LRP1B: variants seen among roughly 807,000 people sequenced by gnomAD.
LRP1B encodes LDL receptor related protein 1B, also known as low-density lipoprotein receptor-related protein 1B.
LRP1B carries 217 observed loss-of-function variants against 556.6 expected under a neutral mutation model. That is an observed-to-expected ratio of 0.39 (90% CI 0.35 to 0.44). The LOEUF is 0.44. Ranked by LOEUF, LRP1B falls within the 20% of genes least tolerant of loss-of-function variation. The pLI is 1.00. For missense variants in LRP1B, 5,053 were observed against 5,620.8 expected, an observed-to-expected ratio of 0.90 and a Z score of 3.23; for synonymous variants, 2,047 against 1,865.8, an observed-to-expected ratio of 1.10 and a Z score of -2.50.
chr2:142,128,414 T>G (rs1419955418), intron 1 of LRP1B, among the ~76,000 whole-genome samples: 2 of 152,248 alleles, frequency 1.3e-5, no homozygotes, highest in Admixed American at 1.3e-4. Context: ...CATAAGCCTG[T>G]GCAGAAAGTT....
At chr2:140,825,050 C>A (rs1451886849) in intron 31 of LRP1B, among the ~76,000 whole-genome samples, 2 of 151,942 alleles carry the variant, frequency 1.3e-5, no homozygotes, top group African/African-American at 2.4e-5. Flanking sequence ...ATTCAACAAA[C>A]AAATTAAAAA....
intron 1 of LRP1B, among the ~76,000 whole-genome samples, chr2:141,837,507 G>T (rs1018160625): frequency 2.0e-5 from 3 of 151,944 alleles, no homozygotes; most frequent in African/African-American, 2.4e-5. Context: ...AATCTTAAGG[G>T]TATCCTTGAC....
intron 62 of LRP1B, among the ~76,000 whole-genome samples, chr2:140,453,729 A>T (rs568746474): frequency 8.3e-4 from 126 of 152,218 alleles, no homozygotes; most frequent in African/African-American, 2.9e-3. Context: ...CTTAATCTTA[A>T]TTTTTACTAG....
At chr2:142,023,279 C>T (rs184200989) in intron 1 of LRP1B, among the ~76,000 whole-genome samples, 3 of 152,264 alleles carry the variant, frequency 2.0e-5, no homozygotes, top group South Asian at 2.1e-4. Context: ...ATTTTCAATG[C>T]CCCACCTTGG....
At chr2:141,812,809 C>T (rs1696401865) in intron 1 of LRP1B, among the ~76,000 whole-genome samples, 1 of 152,044 alleles carries the variant, frequency 6.6e-6, no homozygotes, top group South Asian at 2.1e-4. Context: ...TAGATGAAGA[C>T]TCTGATCCAA....
Position 141,011,204 on chromosome 2 carries a change from G to GA in LRP1B, c.2380+2351dup, listed in dbSNP as rs10708669. On this transcript the variant is annotated intron_variant, in intron 14 of 90. Coordinates refer to ENST00000389484, the MANE Select transcript of LRP1B (RefSeq NM_018557.3). Reference sequence around the variant, plus strand: ...TCAATTGCTATATTTTATCCATAGGGAAAAAAAAAAACAGTCTAACAGGAC... The same window carrying GA: ...TCAATTGCTATATTTTATCCATAGGGAAAAAAAAAAAACAGTCTAACAGGAC... Among the ~76,000 whole-genome samples the GA allele has an allele frequency of 7.4e-3, 1,074 of 144,326 alleles. 16 individuals carry two copies. Among genetic ancestry groups the GA allele is most frequent in the African/African-American group, 0.022 (885 of 39,470 alleles). The allele number at this position is 144,326 out of a possible 152,430, so 94.7% of individuals were successfully genotyped here. A position where few individuals can be genotyped will look rare whatever the true frequency, so the allele number is the denominator to read the frequency against.
intron 84 of LRP1B, among the ~76,000 whole-genome samples, chr2:140,291,651 A>G (rs374799985): frequency 6.6e-6 from 1 of 151,850 alleles, no homozygotes; most frequent in Non-Finnish European, 1.5e-5. Context: ...CATCCTTTCT[A>G]TGGCTGCATA....
intron 41 of LRP1B, among the ~76,000 whole-genome samples, chr2:140,692,760 C>G (rs1308650473): frequency 6.6e-6 from 1 of 151,842 alleles, no homozygotes; most frequent in East Asian, 2.0e-4. Context: ...TTTTAAATTT[C>G]TACATAGCTT....
intron 49 of LRP1B, among the ~76,000 whole-genome samples, chr2:140,523,880 C>T (rs1336528791): frequency 6.6e-6 from 1 of 151,770 alleles, no homozygotes; most frequent in African/African-American, 2.4e-5. Flanking sequence ...TGCAAGAAAT[C>T]CTAAGAAATG....
At chr2:141,945,411 G>A (rs925566718) in intron 1 of LRP1B, among the ~76,000 whole-genome samples, 2 of 151,774 alleles carry the variant, frequency 1.3e-5, no homozygotes, top group Non-Finnish European at 2.9e-5. Context: ...AACTTTTAAC[G>A]GCCCCACTCT....
chr2:141,455,809 A>G (rs1180996888), intron 3 of LRP1B, among the ~76,000 whole-genome samples: 1 of 152,220 alleles, frequency 6.6e-6, no homozygotes, highest in African/African-American at 2.4e-5. Flanking sequence ...TGCTTTTGCC[A>G]TTTAAACTTG....
At chr2:140,651,364 AG>A (rs1224684217) in intron 41 of LRP1B, among the ~76,000 whole-genome samples, 1 of 33,404 alleles carries the variant, frequency 3.0e-5, no homozygotes, top group African/African-American at 1.3e-4. Context: ...GGGTGGGGGG[AG>A]GGGGGAGGGA....
intron 35 of LRP1B, among the ~76,000 whole-genome samples, chr2:140,763,862 T>A (rs1689011541): frequency 1.3e-5 from 2 of 152,124 alleles, no homozygotes; most frequent in African/African-American, 2.4e-5. Context: ...TACACACTGT[T>A]CACATGATTA....
At chr2:142,053,493 T>C (rs183061795) in intron 1 of LRP1B, among the ~76,000 whole-genome samples, 19 of 152,124 alleles carry the variant, frequency 1.2e-4, no homozygotes, top group East Asian at 1.9e-4. Flanking sequence ...TATATATATA[T>C]ACACACATGT....
intron 2 of LRP1B, among the ~76,000 whole-genome samples, chr2:141,488,132 A>G (rs1683186182): frequency 6.6e-6 from 1 of 152,126 alleles, no homozygotes; most frequent in Non-Finnish European, 1.5e-5. Flanking sequence ...AATGTATCAT[A>G]TATGCATGGT....
chr2:141,688,898 C>G (rs1039558453), intron 2 of LRP1B, among the ~76,000 whole-genome samples: 1 of 151,774 alleles, frequency 6.6e-6, no homozygotes, highest in East Asian at 1.9e-4. Flanking sequence ...TATTATTCTG[C>G]CACCTTTCTT....
chr2:141,527,273 T>C (rs527825071), intron 2 of LRP1B, among the ~76,000 whole-genome samples: 11 of 152,136 alleles, frequency 7.2e-5, no homozygotes, highest in Middle Eastern at 6.3e-3. Flanking sequence ...TTTCTGGTCT[T>C]CTTACAAGGA....
At chr2:141,443,979 G>A (rs1441500598) in intron 3 of LRP1B, among the ~76,000 whole-genome samples, 1 of 152,096 alleles carries the variant, frequency 6.6e-6, no homozygotes, top group African/African-American at 2.4e-5. Flanking sequence ...AAAGGCAATG[G>A]TAGCTTGATG....
At chr2:140,780,636 G>A (rs76131913) in intron 32 of LRP1B, among the ~76,000 whole-genome samples, 3,567 of 152,276 alleles carry the variant, frequency 0.023, 76 homozygotes, top group South Asian at 0.097. Flanking sequence ...AAAGAGAGCC[G>A]TGGGGGTAGA....
Sources: allele counts gnomAD v4.1 joint callset (sites outside exome capture counted in the v4.1 genomes callset), GRCh38; gene constraint gnomAD v4.1.1; transcripts MANE v1.5; gene names NCBI Gene and HGNC (gene_info 2026-07-23, HGNC 2026-07-21).